The following UNC5C variants were observed in gnomAD, a reference collection of about 807,000 sequenced individuals.
The protein encoded by UNC5C is unc-5 netrin receptor C.
In UNC5C, 47 loss-of-function variants were observed where a neutral mutation model predicts 99.8. The ratio of observed to expected loss-of-function variants is 0.47; its 90% CI spans 0.37 to 0.60. The LOEUF is 0.60. UNC5C is among the 20% of genes least tolerant of loss of function. UNC5C has a pLI of 0.00. For synonymous variants in UNC5C, 487 were observed against 452.2 expected, an observed-to-expected ratio of 1.08 and a Z score of -0.98; for missense variants, 1,062 against 1,165.9, an observed-to-expected ratio of 0.91 and a Z score of 1.30.
At chr4:95,483,038 A>T (rs141939319) in intron 1 of UNC5C, among the ~76,000 whole-genome samples, 8,556 of 81,006 alleles carry the variant, frequency 0.11, 356 homozygotes, top group Non-Finnish European at 0.19. Context: ...AATAATAATA[A>T]TAATAAAAAC....
At chr4:95,359,810 A>C (rs544434354) in intron 1 of UNC5C, among the ~76,000 whole-genome samples, 1 of 152,258 alleles carries the variant, frequency 6.6e-6, no homozygotes, top group Non-Finnish European at 1.5e-5. Flanking sequence ...AACAATATTG[A>C]AAAAAATATT....
rs1012274074 is a variant in UNC5C at position 95,324,585 on chromosome 4, A to G, written c.346+10825T>C. Among the ~76,000 whole-genome samples, 20 of 152,216 alleles carry G rather than the reference A, an allele frequency of 1.3e-4. 1 individual carries two copies. Among genetic ancestry groups the G allele is most frequent in the Admixed American group, 9.8e-4 (15 of 15,296 alleles). Reference sequence around the variant, plus strand: ...GTTGGGGACTGTTGTGCTAATATACATTTGCTATGGTCTCATTCATATCCC... The same window carrying G: ...GTTGGGGACTGTTGTGCTAATATACGTTTGCTATGGTCTCATTCATATCCC... On this transcript the variant is annotated intron_variant, in intron 2 of 15. Transcript: ENST00000453304.
intron 1 of UNC5C, among the ~76,000 whole-genome samples, chr4:95,425,826 A>G (rs2149458339): frequency 6.6e-6 from 1 of 152,358 alleles, no homozygotes; most frequent in Admixed American, 6.5e-5. Flanking sequence ...TATATTGTGC[A>G]CATTTATTCA....
intron 4 of UNC5C, among the ~76,000 whole-genome samples, chr4:95,259,722 TA>T (rs1049915853): frequency 4.6e-5 from 7 of 151,992 alleles, no homozygotes; most frequent in East Asian, 1.9e-4. Flanking sequence ...TTATCAGTTT[TA>T]AAAAAATAAG....
At chr4:95,478,226 T>C (rs569578884) in intron 1 of UNC5C, among the ~76,000 whole-genome samples, 44 of 152,070 alleles carry the variant, frequency 2.9e-4, no homozygotes, top group African/African-American at 1.0e-3. Flanking sequence ...AGCATCAGTT[T>C]TTTTACTCTA....
intron 1 of UNC5C, among the ~76,000 whole-genome samples, chr4:95,423,265 C>T (rs17380396): frequency 0.018 from 2,715 of 152,250 alleles, 46 homozygotes; most frequent in Non-Finnish European, 0.026. Context: ...ACCTCTGTGG[C>T]ATTAAAGACA....
At chr4:95,430,793 T>C (rs1195998074) in intron 1 of UNC5C, among the ~76,000 whole-genome samples, 1 of 152,130 alleles carries the variant, frequency 6.6e-6, no homozygotes, top group Admixed American at 6.6e-5. Context: ...ATCATGATGA[T>C]AGACCCAAGA....
At chr4:95,476,896 T>G (rs891781239) in intron 1 of UNC5C, among the ~76,000 whole-genome samples, 1 of 152,030 alleles carries the variant, frequency 6.6e-6, no homozygotes, top group Non-Finnish European at 1.5e-5. Context: ...TCTGAATGCC[T>G]CCAGGGTCTG....
intron 12 of UNC5C, among the ~76,000 whole-genome samples, chr4:95,188,338 A>G (rs954710511): frequency 6.6e-6 from 1 of 152,190 alleles, no homozygotes; most frequent in African/African-American, 2.4e-5. Context: ...CATAACAGAA[A>G]AAAGGAGAGG....
chr4:95,361,836 C>A (rs1403185737), intron 1 of UNC5C, among the ~76,000 whole-genome samples: 1 of 152,056 alleles, frequency 6.6e-6, no homozygotes, highest in African/African-American at 2.4e-5. Context: ...TCATACTGAA[C>A]CAAAGGCTCA....
At chr4:95,449,240 A>G (rs1747211727) in intron 1 of UNC5C, among the ~76,000 whole-genome samples, 1 of 151,864 alleles carries the variant, frequency 6.6e-6, no homozygotes, top group South Asian at 2.1e-4. Flanking sequence ...TGAAGTTTTT[A>G]TCTCTGGAAT....
intron 1 of UNC5C, among the ~76,000 whole-genome samples, chr4:95,434,919 C>G (rs1440513613): frequency 6.6e-6 from 1 of 152,036 alleles, no homozygotes; most frequent in East Asian, 1.9e-4. Flanking sequence ...TTGTTAACTT[C>G]TCTCAGAGTA....
chr4:95,526,039 G>A (rs1226740431), intron 1 of UNC5C, among the ~76,000 whole-genome samples: 2 of 152,164 alleles, frequency 1.3e-5, no homozygotes, highest in African/African-American at 4.8e-5. Flanking sequence ...TGGGCAAGAA[G>A]ATAACTGTTC....
intron 1 of UNC5C, among the ~76,000 whole-genome samples, chr4:95,547,617 G>T (rs1294338770): frequency 6.6e-6 from 1 of 152,184 alleles, no homozygotes; most frequent in Admixed American, 6.5e-5. Flanking sequence ...GAGCTGCCTC[G>T]CCTGAGCCGG....
rs376500311 is a variant in UNC5C, at chr4:95,394,696, C to T, written c.125-59065G>A. 3.6e-5 allele frequency among the ~76,000 whole-genome samples: 5 copies of T among 137,072 alleles called. No individual in the cohort carries two copies. The East Asian group carries it at 1.0e-3, about 29-fold the overall frequency. 89.9% of individuals were successfully genotyped at this position (137,072 alleles called of 152,430 possible). On this transcript the variant is annotated intron_variant, in intron 1 of 15. Transcript: ENST00000453304. The stretch of plus-strand genomic sequence containing the variant: ...GTGTGCTTTTCTCATTGGTCATTGC[C>T]TGGTATTATTTTTATCCTTTGTTAG...
In UNC5C at chr4:95,162,655, A is replaced by AC. The variant is rs1175416612; in HGVS notation, c.*6578dup. 1 of 152,108 alleles carries AC rather than the reference A, an allele frequency of 6.6e-6. No homozygotes were observed. The highest frequency in any genetic ancestry group is 6.5e-5 in the Admixed American group (1 of 15,278). 9.4% of individuals were successfully genotyped at this position (152,108 alleles called of 1,614,324 possible). A position where few individuals can be genotyped will look rare whatever the true frequency, so the allele number is the denominator to read the frequency against. On this transcript the variant is annotated 3_prime_UTR_variant, in exon 16 of 16. Coordinates refer to ENST00000453304, the MANE Select transcript of UNC5C (RefSeq NM_003728.4). Reference sequence around the variant, plus strand: ...GCAGCCAGGGAGAGAAAAGAGGCACACCCGGAGCTGGTATCCCTCACCTCC... The same window carrying AC: ...GCAGCCAGGGAGAGAAAAGAGGCACACCCCGGAGCTGGTATCCCTCACCTCC...
intron 1 of UNC5C, among the ~76,000 whole-genome samples, chr4:95,340,039 A>T (rs1253876176): frequency 6.6e-6 from 1 of 151,860 alleles, no homozygotes; most frequent in Non-Finnish European, 1.5e-5. Flanking sequence ...TTTTTCTGTT[A>T]TCTCACATAG....
chr4:95,479,005 G>A lies in UNC5C; in HGVS notation c.124+69729C>T, dbSNP rs375861463. Among the ~76,000 whole-genome samples the A allele has an allele frequency of 7.9e-5, 12 of 152,002 alleles. 1 individual carries two copies. The South Asian group carries it at 1.9e-3, about 24-fold the overall frequency. On this transcript the variant is annotated intron_variant, in intron 1 of 15. Coordinates refer to ENST00000453304, the MANE Select transcript of UNC5C (RefSeq NM_003728.4). ...TGGCTCTCCTCGCCTTCCGCTACTA[G>A]TAAAAGCTTCCTGAAGCCTCACCAG...
chr4:95,184,634 C>A (rs1736756963), intron 13 of UNC5C, among the ~76,000 whole-genome samples: 2 of 152,132 alleles, frequency 1.3e-5, no homozygotes, highest in African/African-American at 4.8e-5. Flanking sequence ...CAAAGTAGGG[C>A]TCCCTCTAAT....
Sources: allele counts gnomAD v4.1 joint callset (sites outside exome capture counted in the v4.1 genomes callset), GRCh38; gene constraint gnomAD v4.1.1; transcripts MANE v1.5; gene names NCBI Gene and HGNC (gene_info 2026-07-23, HGNC 2026-07-21).